Variants in SLC12A4 observed in about 807,000 individuals in gnomAD.
SLC12A4 encodes electroneutral potassium-chloride cotransporter 1.
SLC12A4 carries 84 observed loss-of-function variants against 119.2 expected under a neutral mutation model. The observed-to-expected ratio is 0.70, with a 90% CI of 0.59 to 0.85. The LOEUF (loss-of-function observed/expected upper bound fraction) is 0.85, where lower values mean the gene tolerates loss of function less well. SLC12A4 is among the 40% of genes least tolerant of loss of function. The pLI, the probability that SLC12A4 is intolerant of heterozygous loss-of-function variation, is 0.00. For synonymous variants in SLC12A4, 599 were observed against 604.6 expected (o/e 0.99, Z 0.14); for missense variants, 1,298 against 1,476.3 (o/e 0.88, Z 1.98).
In SLC12A4 at chr16:67,961,682, C is replaced by A. The variant is rs754860644; in HGVS notation, c.235G>T (p.Val79Leu). The change falls in exon 3 of 24, where the codon GTA becomes TTA. Residue 79 changes from valine (V) to leucine (L), a missense_variant. Coordinates refer to ENST00000316341, the MANE Select transcript of SLC12A4 (RefSeq NM_005072.5). ...FEEELDIRPKVSSLLGKLVSY... is the reference protein window; with the variant it reads ...FEEELDIRPKLSSLLGKLVSY... ...ACGAGCTTTCCCAGAAGAGACGATA[C>A]CTTTGGGCGGATGTCCAGCTCTTCC... is the stretch of plus-strand genomic sequence containing the variant. The A allele has an allele frequency of 6.2e-7, 1 of 1,614,178 alleles. No homozygotes were observed. The highest frequency in any genetic ancestry group is 8.5e-7 in the Non-Finnish European group (1 of 1,180,022).
At chr16:67,953,512 C>T (rs1049404381) in intron 6 of SLC12A4, among the ~76,000 whole-genome samples, 7 of 152,212 alleles carry the variant, frequency 4.6e-5, no homozygotes, top group Non-Finnish European at 8.8e-5. Context: ...AGGCAGAAAG[C>T]AGATTCCTGG....
chr16:67,946,122 C>T, intron 19 of SLC12A4, 40 bp from the exon 20 acceptor site: 1 of 1,612,718 alleles, frequency 6.2e-7, no homozygotes, highest in Non-Finnish European at 8.5e-7. Context: ...GTCACAGCTG[C>T]TCCTCCAAGG....
chr16:67,958,068 G>A (rs1445646623), intron 3 of SLC12A4, 24 bp from the exon 4 acceptor site: 1 of 1,609,388 alleles, frequency 6.2e-7, no homozygotes, highest in South Asian at 1.1e-5. Context: ...AAGGGAGGGG[G>A]CGAGTAGAGC....
Position 67,951,068 on chromosome 16 carries a change from A to C in SLC12A4, c.1298-8T>G, listed in dbSNP as rs769515288. The C allele has an allele frequency of 6.2e-7, 1 of 1,613,942 alleles. No individual in the cohort carries two copies. The highest frequency in any genetic ancestry group is 1.1e-5 in the South Asian group (1 of 91,076). ...TTGAGCCAGCCATGATGCCTCCAAA[A>C]ACAGATGAGACTCCCTCAGGGGCTC... On this transcript the variant is annotated splice_region_variant and splice_polypyrimidine_tract_variant and intron_variant, in intron 9 of 23. Transcript: ENST00000316341. The surrounding 1 kb of genome is among the most constrained non-coding windows in gnomAD (Gnocchi z 5.2).
In SLC12A4 at chr16:67,945,983, G is replaced by A. The variant is rs2151324139; in HGVS notation, c.2707C>T (p.Arg903Cys). 2.5e-6 allele frequency: 4 copies of A among 1,614,044 alleles called. No homozygotes were observed. Among genetic ancestry groups the A allele is most frequent in the Admixed American group, 1.7e-5 (1 of 60,026 alleles). ...KDLAVFLYHL[R>C]LEAEVEVVEM... Reference sequence around the variant, plus strand: ...ACCACCTCCACCTCGGCCTCAAGGCGCAGATGGTACAGAAAGACAGCCAGG... The same window carrying A: ...ACCACCTCCACCTCGGCCTCAAGGCACAGATGGTACAGAAAGACAGCCAGG... Residue 903 changes from arginine to cysteine, a missense_variant, in exon 20 of 24, where the codon CGC (arginine) becomes TGC (cysteine). Transcript: ENST00000316341.
chr16:67,952,830 G>A (rs1598219196), intron 6 of SLC12A4, among the ~76,000 whole-genome samples: 3 of 151,998 alleles, frequency 2.0e-5, no homozygotes, highest in South Asian at 4.1e-4. Flanking sequence ...GCTCACGCCT[G>A]TAATCCCAGC....
chr16:67,952,569 G>A lies in SLC12A4; in HGVS notation c.676-144C>T, dbSNP rs1223189154. 9.7e-6 allele frequency: 8 copies of A among 826,404 alleles called. 1 individual carries two copies. The highest frequency in any genetic ancestry group is 6.1e-4 in the Middle Eastern group (2 of 3,294). The allele number at this position is 826,404 out of a possible 1,614,324, so 51.2% of individuals were successfully genotyped here. On this transcript the variant is annotated intron_variant, in intron 6 of 23. Transcript: ENST00000316341. ...AATCCCAGCACTTTGGGAGGCTGAG[G>A]TGGGGGATCACTTGAGGTCAGGAGA...
rs1598229265 is a variant in SLC12A4, at chr16:67,961,522, G to C, written c.342+53C>G. On this transcript the variant is annotated intron_variant, in intron 3 of 23. Transcript: ENST00000316341. The stretch of plus-strand genomic sequence containing the variant: ...ATGTGGGGAAACAGTCAATTCCATG[G>C]TGCTGTGTCTGTCTTCCCAGGTGTG... 4.4e-6 allele frequency: 7 copies of C among 1,596,686 alleles called. No homozygotes were observed. In the East Asian group the frequency reaches 1.3e-4, roughly 31 times the overall value.
chr16:67,966,932 C>G, intron 1 of SLC12A4: 1 of 1,431,726 alleles, frequency 7.0e-7, no homozygotes, highest in South Asian at 1.5e-5. Context: ...AAGGCGTGGC[C>G]AAGGTGGGGC....
chr16:67,953,491 G>A (rs1037280624), intron 6 of SLC12A4, among the ~76,000 whole-genome samples: 3 of 152,214 alleles, frequency 2.0e-5, no homozygotes, highest in Non-Finnish European at 1.5e-5. Context: ...GCCCAGAATA[G>A]GCAAATCCCA....
chr16:67,943,799 A>T lies in SLC12A4; in HGVS notation c.*1041T>A. 1 of 724,476 alleles carries T rather than the reference A, an allele frequency of 1.4e-6. No individual in the cohort carries two copies. The highest frequency in any genetic ancestry group is 2.2e-6 in the Non-Finnish European group (1 of 446,530). 44.9% of individuals were successfully genotyped at this position (724,476 alleles called of 1,614,324 possible). On this transcript the variant is annotated 3_prime_UTR_variant, in exon 24 of 24. Transcript: ENST00000316341. This position sits in a 1 kb window ranked among gnomAD's most constrained non-coding sequence, Gnocchi z 4.6. The stretch of plus-strand genomic sequence containing the variant: ...AAGGGACGTCATTCCTCTAAGGGAC[A>T]AGCTTTTGGCCCCTCCCCACACCAG...
chr16:67,957,169 ATT>A (rs34469845), intron 5 of SLC12A4, among the ~76,000 whole-genome samples: 31 of 120,710 alleles, frequency 2.6e-4, no homozygotes, highest in Non-Finnish European at 1.9e-4. Flanking sequence ...TGCCTGGCTA[ATT>A]TTTTTTTTTT....
intron 5 of SLC12A4, among the ~76,000 whole-genome samples, chr16:67,955,464 G>C (rs1028504076): frequency 2.0e-5 from 3 of 152,224 alleles, no homozygotes; most frequent in Non-Finnish European, 4.4e-5. Context: ...GCTCATGCCT[G>C]TAAGCCCAGC....
At chr16:67,958,585 G>C (rs1360590479) in intron 3 of SLC12A4, among the ~76,000 whole-genome samples, 5 of 152,226 alleles carry the variant, frequency 3.3e-5, no homozygotes, top group Admixed American at 2.6e-4. Context: ...AGCCCACTCT[G>C]CTGCTATAGT....
rs143746556 is a variant in SLC12A4, at chr16:67,951,173, C to A, written c.1264G>T (p.Val422Leu). 6.2e-7 allele frequency: 1 copy of A among 1,613,984 alleles called. No individual in the cohort carries two copies. Among genetic ancestry groups the A allele is most frequent in the South Asian group, 1.1e-5 (1 of 91,084 alleles). The change falls in exon 9 of 24, where the codon GTG becomes TTG. Residue 422 changes from valine to leucine, a missense_variant. By Grantham distance (32) the Val-to-Leu change is conservative. Coordinates refer to ENST00000316341, the MANE Select transcript of SLC12A4 (RefSeq NM_005072.5). This position sits in a 1 kb window ranked among gnomAD's most constrained non-coding sequence, Gnocchi z 5.2. Reference sequence around the variant, plus strand: ...GAAGGGAAGAAGATGCCGACCAGCACGGTGAAGGATGTGGCGATGTCAGCG... The same window carrying A: ...GAAGGGAAGAAGATGCCGACCAGCAAGGTGAAGGATGTGGCGATGTCAGCG... ...VVADIATSFTVLVGIFFPSVT... is the reference protein window; with the variant it reads ...VVADIATSFTLLVGIFFPSVT...
rs571672153 is a variant in SLC12A4 at position 67,947,353 on chromosome 16, G to C, written c.2050C>G (p.Pro684Ala). Residue 684 changes from proline (P) to alanine (A), a missense_variant, in exon 16 of 24, where the codon CCT becomes GCT. Coordinates refer to ENST00000316341, the MANE Select transcript of SLC12A4 (RefSeq NM_005072.5). ...CACCGCCAGTTCTTGGTGTGAGGAG[G>C]CCCCTCCTCCAGCCGCAACAGCGCG... is the stretch of plus-strand genomic sequence containing the variant. ...RYALLRLEEG[P>A]PHTKNWRPQL... 2.5e-6 allele frequency: 4 copies of C among 1,612,028 alleles called. No homozygotes were observed. In the East Asian group the frequency reaches 6.7e-5, roughly 27 times the overall value.
intron 14 of SLC12A4, 130 bp from the exon 15 acceptor site, chr16:67,947,918 T>A: frequency 6.8e-7 from 1 of 1,471,226 alleles, no homozygotes; most frequent in African/African-American, 1.4e-5. Context: ...TCACTGGGTG[T>A]AAGACCTAGG....
chr16:67,964,068 G>A (rs2030742280), intron 1 of SLC12A4: 2 of 1,541,942 alleles, frequency 1.3e-6, no homozygotes, highest in African/African-American at 1.4e-5. Flanking sequence ...CATGCACTGC[G>A]CGGGGGGCGT....
intron 14 of SLC12A4, 58 bp from the exon 15 acceptor site, chr16:67,947,846 C>G (rs979888188): frequency 2.6e-6 from 4 of 1,539,548 alleles, no homozygotes; most frequent in African/African-American, 2.7e-5. Flanking sequence ...TGGCCACAGC[C>G]TGGCCCATGC....
Sources: gnomAD v4.1 joint callset for allele counts (sites outside exome capture counted in the v4.1 genomes callset) on GRCh38, gnomAD v4.1.1 for gene constraint, Gnocchi (gnomAD v3.1) non-coding constraint, MANE v1.5 for transcripts, NCBI Gene and HGNC (gene_info 2026-07-23, HGNC 2026-07-21) for gene names.